Variants in GRIA4 observed in about 807,000 individuals in gnomAD.
GRIA4 encodes the protein glutamate ionotropic receptor AMPA type subunit 4.
In GRIA4, 34 loss-of-function variants were observed where a neutral mutation model predicts 104.0. The ratio of observed to expected loss-of-function variants is 0.33; its 90% CI spans 0.25 to 0.44. The LOEUF (loss-of-function observed/expected upper bound fraction) is 0.44, where lower values mean the gene tolerates loss of function less well. Among genes scored for constraint, GRIA4 ranks in the 20% least tolerant of loss-of-function variants. The probability of loss-of-function intolerance (pLI) is 1.00; values close to 1 mark genes in which losing one functional copy is unlikely to be tolerated. For synonymous variants in GRIA4, 386 were observed against 381.9 expected (o/e 1.01, Z -0.13); for missense variants, 750 against 1,096.5 (o/e 0.68, Z 4.46).
In GRIA4 at chr11:105,974,483, G is replaced by A. The variant is rs775396396; in HGVS notation, c.2544+39G>A. ...CACAGACTTTTAACCCAACTTCCTC[G>A]CAGAATACCCAGAATTTAGCAACCT... On this transcript the variant is annotated intron_variant, in intron 16 of 16. Coordinates refer to ENST00000282499, the MANE Select transcript of GRIA4 (RefSeq NM_000829.4). The A allele has an allele frequency of 3.0e-5, 48 of 1,613,574 alleles. 1 individual carries two copies. Among genetic ancestry groups the A allele is most frequent in the South Asian group, 2.5e-4 (23 of 91,074 alleles).
At chr11:105,959,562 A>G (rs1442433449) in intron 14 of GRIA4, among the ~76,000 whole-genome samples, 1 of 152,140 alleles carries the variant, frequency 6.6e-6, no homozygotes, top group African/African-American at 2.4e-5. Flanking sequence ...TTTTTAGCTC[A>G]TCGTAGTTTT....
intron 14 of GRIA4, among the ~76,000 whole-genome samples, chr11:105,954,654 C>T (rs926113835): frequency 5.3e-5 from 8 of 151,810 alleles, no homozygotes; most frequent in African/African-American, 1.5e-4. Context: ...ATAAGTACTC[C>T]CTCTTGCCAT....
chr11:105,853,728 T>TG (rs1267641221), intron 4 of GRIA4, among the ~76,000 whole-genome samples: 2 of 151,894 alleles, frequency 1.3e-5, no homozygotes, highest in Admixed American at 1.3e-4. Flanking sequence ...ATTGGTGGGG[T>TG]GGGGGGAGTG....
intron 2 of GRIA4, among the ~76,000 whole-genome samples, chr11:105,612,026 G>A (rs1161732574): frequency 6.6e-6 from 1 of 152,110 alleles, no homozygotes; most frequent in Non-Finnish European, 1.5e-5. Flanking sequence ...GGGAGAGAAA[G>A]GAACATTCAC....
intron 3 of GRIA4, among the ~76,000 whole-genome samples, chr11:105,714,238 T>G (rs1243905029): frequency 7.4e-6 from 1 of 135,030 alleles, no homozygotes; most frequent in Non-Finnish European, 1.6e-5. Context: ...CCAGAAATAT[T>G]TTAAATTTTG....
chr11:105,709,804 G>A (rs1265193868), intron 3 of GRIA4, among the ~76,000 whole-genome samples: 1 of 152,114 alleles, frequency 6.6e-6, no homozygotes, highest in Non-Finnish European at 1.5e-5. Context: ...GGAAGATGTG[G>A]AGGCAGTACG....
intron 15 of GRIA4, 76 bp from the exon 16 acceptor site, chr11:105,974,234 T>C (rs1858853423): frequency 7.0e-7 from 1 of 1,434,502 alleles, no homozygotes. Flanking sequence ...TCATTGGCTT[T>C]TTGGATTTCA....
At chr11:105,800,609 G>A (rs1421358809) in intron 4 of GRIA4, among the ~76,000 whole-genome samples, 1 of 151,962 alleles carries the variant, frequency 6.6e-6, no homozygotes, top group African/African-American at 2.4e-5. Flanking sequence ...ATTCAGACAT[G>A]ACTAATCAAT....
chr11:105,642,344 T>C (rs1446015108), intron 3 of GRIA4, among the ~76,000 whole-genome samples: 3 of 151,970 alleles, frequency 2.0e-5, no homozygotes, highest in African/African-American at 4.8e-5. Flanking sequence ...ATCCCTTATT[T>C]ATGAAACAAG....
chr11:105,643,306 C>T (rs1224651485), intron 3 of GRIA4, among the ~76,000 whole-genome samples: 2 of 152,120 alleles, frequency 1.3e-5, no homozygotes, highest in African/African-American at 4.8e-5. Context: ...ATTATGATAA[C>T]ATTCAAGGAA....
chr11:105,611,062 C>A lies in GRIA4; in HGVS notation c.65C>A (p.Ala22Asp), dbSNP rs1234759665. 1 of 1,613,116 alleles carries A rather than the reference C, an allele frequency of 6.2e-7. No individual in the cohort carries two copies. Among genetic ancestry groups the A allele is most frequent in the Non-Finnish European group, 8.5e-7 (1 of 1,179,318 alleles). ...GGATTTTGGGGACTCGCCATGGGAGCCTTTCCGAGCAGCGTGCAAATAGGT... is the reference window on the plus strand; with the variant it reads ...GGATTTTGGGGACTCGCCATGGGAGACTTTCCGAGCAGCGTGCAAATAGGT... Reference protein sequence around the residue: ...FSGFWGLAMGAFPSSVQIGGL... With the variant: ...FSGFWGLAMGDFPSSVQIGGL... The change falls in exon 2 of 17, where the codon GCC (alanine) becomes GAC (aspartate). Residue 22 changes from alanine (A) to aspartate (D), a missense_variant. This residue lies in a region of GRIA4 where 410 missense variants were observed against 502.7 expected (regional missense o/e 0.82). Coordinates refer to ENST00000282499, the MANE Select transcript of GRIA4 (RefSeq NM_000829.4).
chr11:105,615,422 T>G (rs1177588014), intron 3 of GRIA4, among the ~76,000 whole-genome samples: 1 of 151,860 alleles, frequency 6.6e-6, no homozygotes, highest in Non-Finnish European at 1.5e-5. Flanking sequence ...ATTCCAACCA[T>G]TCTATTGTTG....
At chr11:105,671,598 A>C (rs1591537765) in intron 3 of GRIA4, among the ~76,000 whole-genome samples, 1 of 135,326 alleles carries the variant, frequency 7.4e-6, no homozygotes, top group South Asian at 2.6e-4. Context: ...GAATCGCTTG[A>C]ATCCAGGAGG....
At chr11:105,729,576 T>C (rs1298240237) in intron 3 of GRIA4, among the ~76,000 whole-genome samples, 1 of 152,162 alleles carries the variant, frequency 6.6e-6, no homozygotes, top group Non-Finnish European at 1.5e-5. Flanking sequence ...TTCAGGCCAA[T>C]ATACCTGATG....
chr11:105,958,460 A>C (rs1055705069), intron 14 of GRIA4, among the ~76,000 whole-genome samples: 1 of 152,214 alleles, frequency 6.6e-6, no homozygotes, highest in Non-Finnish European at 1.5e-5. Context: ...CCAGGGATGA[A>C]GCCCACTTGA....
At chr11:105,869,553 A>G (rs1251151584) in intron 5 of GRIA4, among the ~76,000 whole-genome samples, 1 of 152,140 alleles carries the variant, frequency 6.6e-6, no homozygotes, top group African/African-American at 2.4e-5. Context: ...AGAATTTTGC[A>G]TCTACTCCTC....
At chr11:105,925,125 CA>C (rs779713910) in intron 12 of GRIA4, among the ~76,000 whole-genome samples, 2 of 151,972 alleles carry the variant, frequency 1.3e-5, no homozygotes, top group Non-Finnish European at 2.9e-5. Flanking sequence ...GCTATTATTG[CA>C]ATTTTTTCCT....
chr11:105,634,467 GGGAAAGAAAGAA>G (rs1354782945), intron 3 of GRIA4, among the ~76,000 whole-genome samples: 2 of 90,216 alleles, frequency 2.2e-5, no homozygotes, highest in African/African-American at 8.8e-5. Context: ...AAGAAAGAAA[GGGAAAGAAAGAA>G]AGAAAGAAAG....
intron 14 of GRIA4, among the ~76,000 whole-genome samples, chr11:105,969,219 G>C (rs1174449114): frequency 1.3e-5 from 2 of 152,018 alleles, no homozygotes. Flanking sequence ...CTCTATCACA[G>C]CCATGACAAC....
Sources: allele counts gnomAD v4.1 joint callset (sites outside exome capture counted in the v4.1 genomes callset), GRCh38; gene constraint gnomAD v4.1.1; regional missense constraint gnomAD v4.1.1; transcripts MANE v1.5; gene names NCBI Gene and HGNC (gene_info 2026-07-23, HGNC 2026-07-21).